Variants in RUNDC3B observed in about 807,000 individuals in gnomAD.
RUNDC3B encodes the protein RUN domain containing 3B.
A neutral mutation model predicts 58.4 loss-of-function variants in RUNDC3B; 33 were observed. The ratio of observed to expected loss-of-function variants is 0.56; its 90% CI spans 0.43 to 0.75. The LOEUF (loss-of-function observed/expected upper bound fraction) is 0.75. RUNDC3B is among the 30% of genes least tolerant of loss of function. The probability of loss-of-function intolerance (pLI) is 0.00; values close to 1 mark genes in which losing one functional copy is unlikely to be tolerated. For synonymous variants in RUNDC3B, 193 were observed against 195.2 expected, an observed-to-expected ratio of 0.99 and a Z score of 0.10; for missense variants, 501 against 535.7, an observed-to-expected ratio of 0.94 and a Z score of 0.64.
At position 87,741,913 on chromosome 7, in the gene RUNDC3B, T is replaced by C. The variant is rs576547366; in HGVS notation, c.629+334T>C. 8.5e-5 allele frequency among the ~76,000 whole-genome samples: 13 copies of C among 152,328 alleles called. No homozygotes were observed. The East Asian group carries it at 2.3e-3, about 27-fold the overall frequency. ...TTGAAACTATAATTCAGTATTTAGA[T>C]TGTTTTCCATTTTTTCTCATAAAAA... is the stretch of plus-strand genomic sequence containing the variant. On this transcript the variant is annotated intron_variant, in intron 6 of 10. Transcript: ENST00000394654.
In RUNDC3B at chr7:87,811,548, G is replaced by A. The variant is rs141253505; in HGVS notation, c.1103+4029G>A. Among the ~76,000 whole-genome samples the A allele has an allele frequency of 1.2e-4, 18 of 152,234 alleles. No individual in the cohort carries two copies. The East Asian group carries it at 3.3e-3, about 28-fold the overall frequency. The stretch of plus-strand genomic sequence containing the variant: ...AGATAGAGTTTCACCATGTTGGCCA[G>A]GATGGCCTCGATCTCTTGACCTCAT... On this transcript the variant is annotated intron_variant, in intron 9 of 10. Coordinates refer to ENST00000394654, the MANE Select transcript of RUNDC3B (RefSeq NM_001134405.2).
At chr7:87,749,118 G>A (rs549790622) in intron 6 of RUNDC3B, among the ~76,000 whole-genome samples, 1 of 152,294 alleles carries the variant, frequency 6.6e-6, no homozygotes, top group African/African-American at 2.4e-5. Flanking sequence ...GTCATCTGGA[G>A]ATAGAGTTTA....
At chr7:87,718,290 A>G (rs547555771) in intron 4 of RUNDC3B, among the ~76,000 whole-genome samples, 3 of 152,286 alleles carry the variant, frequency 2.0e-5, no homozygotes, top group African/African-American at 7.2e-5. Flanking sequence ...GCTGTCCACC[A>G]GGGAAGCTCA....
chr7:87,640,372 G>C (rs1161423390), intron 1 of RUNDC3B, among the ~76,000 whole-genome samples: 4 of 151,670 alleles, frequency 2.6e-5, no homozygotes, highest in African/African-American at 9.7e-5. Context: ...TTTTTTAGAG[G>C]TTGGGTCTTG....
chr7:87,669,934 G>A (rs1825663705), intron 2 of RUNDC3B, among the ~76,000 whole-genome samples: 1 of 152,130 alleles, frequency 6.6e-6, no homozygotes. Flanking sequence ...TGGAATAGCT[G>A]ATGACATGTG....
At chr7:87,796,366 AATAATT>A (rs1835820217) in intron 8 of RUNDC3B, among the ~76,000 whole-genome samples, 1 of 152,188 alleles carries the variant, frequency 6.6e-6, no homozygotes, top group Non-Finnish European at 1.5e-5. Flanking sequence ...GTACAATAAA[AATAATT>A]AGAATGAATA....
intron 8 of RUNDC3B, among the ~76,000 whole-genome samples, chr7:87,785,684 C>T (rs1353902827): frequency 6.6e-6 from 1 of 152,176 alleles, no homozygotes; most frequent in South Asian, 2.1e-4. Flanking sequence ...AAAGGGAGCA[C>T]TACTTTCTCC....
At chr7:87,720,833 C>T (rs969697242) in intron 4 of RUNDC3B, among the ~76,000 whole-genome samples, 3 of 107,926 alleles carry the variant, frequency 2.8e-5, no homozygotes, top group African/African-American at 1.1e-4. Flanking sequence ...ATCTCCTAAC[C>T]TCATGATCCA....
At chr7:87,732,777 T>G (rs1293807434) in intron 4 of RUNDC3B, among the ~76,000 whole-genome samples, 1 of 152,106 alleles carries the variant, frequency 6.6e-6, no homozygotes, top group African/African-American at 2.4e-5. Flanking sequence ...GATGGTCACA[T>G]GGGGATGAAG....
At chr7:87,807,588 T>G in intron 9 of RUNDC3B, 69 bp downstream of exon 9, 1 of 1,167,412 alleles carries the variant, frequency 8.6e-7, no homozygotes, top group Non-Finnish European at 1.3e-6. Context: ...CTATCTACTT[T>G]GGTTTCTCAG....
intron 6 of RUNDC3B, among the ~76,000 whole-genome samples, chr7:87,750,577 G>A (rs1832914951): frequency 6.6e-6 from 1 of 152,172 alleles, no homozygotes; most frequent in Admixed American, 6.5e-5. Context: ...CATTCTAAAT[G>A]GTGTCAGATG....
At chr7:87,726,059 A>G (rs956237284) in intron 4 of RUNDC3B, among the ~76,000 whole-genome samples, 56 of 146,014 alleles carry the variant, frequency 3.8e-4, no homozygotes, top group African/African-American at 1.3e-3. Context: ...CACTCTGATG[A>G]TAGTTTCTTT....
At chr7:87,753,807 C>T (rs1833181525) in intron 6 of RUNDC3B, among the ~76,000 whole-genome samples, 1 of 152,180 alleles carries the variant, frequency 6.6e-6, no homozygotes, top group African/African-American at 2.4e-5. Flanking sequence ...ATAGCTGTTC[C>T]TCTTACTCCT....
intron 8 of RUNDC3B, among the ~76,000 whole-genome samples, chr7:87,796,970 A>T (rs981203150): frequency 2.6e-5 from 4 of 152,232 alleles, no homozygotes; most frequent in African/African-American, 9.6e-5. Flanking sequence ...TAATGAAAAC[A>T]ATTATTAGTC....
intron 6 of RUNDC3B, among the ~76,000 whole-genome samples, chr7:87,758,950 C>T (rs1833528937): frequency 6.6e-6 from 1 of 152,100 alleles, no homozygotes; most frequent in African/African-American, 2.4e-5. Context: ...AAAAGAACTA[C>T]CATATGATCC....
chr7:87,665,954 A>G (rs1220372117), intron 2 of RUNDC3B, among the ~76,000 whole-genome samples: 2 of 151,990 alleles, frequency 1.3e-5, no homozygotes, highest in African/African-American at 2.4e-5. Context: ...ATACGTGTAC[A>G]TGTGTCTTTA....
chr7:87,658,868 C>A (rs969437820), intron 2 of RUNDC3B, among the ~76,000 whole-genome samples: 14 of 152,166 alleles, frequency 9.2e-5, no homozygotes, highest in Non-Finnish European at 1.6e-4. Flanking sequence ...AAAGAACATT[C>A]GTTAAGCAGA....
intron 3 of RUNDC3B, 168 bp downstream of exon 3, chr7:87,700,722 G>T: frequency 1.6e-6 from 1 of 610,922 alleles, no homozygotes; most frequent in Non-Finnish European, 2.7e-6. Context: ...CTAAACTAGT[G>T]GCTCTCAAAT....
chr7:87,743,225 A>G (rs1439536910), intron 6 of RUNDC3B, among the ~76,000 whole-genome samples: 1 of 152,124 alleles, frequency 6.6e-6, no homozygotes, highest in Non-Finnish European at 1.5e-5. Context: ...ATTGATGAGC[A>G]TTTGGGTTGG....
Sources: gnomAD v4.1 joint callset for allele counts (sites outside exome capture counted in the v4.1 genomes callset) on GRCh38, gnomAD v4.1.1 for gene constraint, MANE v1.5 for transcripts, NCBI Gene and HGNC (gene_info 2026-07-23, HGNC 2026-07-21) for gene names.